TIMP3: variants seen among roughly 807,000 people sequenced by gnomAD.
TIMP3 encodes metalloproteinase inhibitor 3.
In TIMP3, 11 loss-of-function variants were observed where a neutral mutation model predicts 30.0. That is an observed-to-expected ratio of 0.37 (90% CI 0.23 to 0.61). The LOEUF is 0.61. TIMP3 is among the 20% of genes least tolerant of loss of function. TIMP3 has a pLI of 0.70. For missense variants in TIMP3, 181 were observed against 276.8 expected (o/e 0.65, Z 2.45); for synonymous variants, 112 against 111.3 (o/e 1.01, Z -0.04).
chr22:32,818,422 C>T (rs2146040374), intron 1 of TIMP3, among the ~76,000 whole-genome samples: 1 of 152,246 alleles, frequency 6.6e-6, no homozygotes, highest in African/African-American at 2.4e-5. Flanking sequence ...AAATGGGACC[C>T]CAGGCCTGGC....
At chr22:32,809,046 G>A (rs1237299766) in intron 1 of TIMP3, among the ~76,000 whole-genome samples, 3 of 152,192 alleles carry the variant, frequency 2.0e-5, no homozygotes, top group African/African-American at 7.2e-5. Flanking sequence ...AACCCTGCAG[G>A]AGATCACAAA....
chr22:32,861,081 C>CT lies in TIMP3; in HGVS notation c.*1710dup, dbSNP rs879540817. On this transcript the variant is annotated 3_prime_UTR_variant, in exon 5 of 5. Coordinates refer to ENST00000266085, the MANE Select transcript of TIMP3 (RefSeq NM_000362.5). ...CATTGAACATGATTGCTCTCTGTCT[C>CT]TTTTTTCAGCTTATGGGTATTTATC... 1.3e-4 allele frequency: 20 copies of CT among 151,638 alleles called. No individual in the cohort carries two copies. Among genetic ancestry groups the CT allele is most frequent in the Non-Finnish European group, 2.7e-4 (18 of 67,888 alleles). The allele number at this position is 151,638 out of a possible 1,614,324, so 9.4% of individuals were successfully genotyped here.
At position 32,859,767 on chromosome 22, in the gene TIMP3, A is replaced by C; in HGVS notation, c.*390A>C. ...TCTTCCCCACCTCACCATCTCCCAG[A>C]CCCTCTTCCCTTTGCCCTTCTCCTC... is the stretch of plus-strand genomic sequence containing the variant. On this transcript the variant is annotated 3_prime_UTR_variant, in exon 5 of 5. Coordinates refer to ENST00000266085, the MANE Select transcript of TIMP3 (RefSeq NM_000362.5). 1 of 249,934 alleles carries C rather than the reference A, an allele frequency of 4.0e-6. No individual in the cohort carries two copies. The highest frequency in any genetic ancestry group is 7.8e-6 in the Non-Finnish European group (1 of 128,208). The allele number at this position is 249,934 out of a possible 1,614,324, so 15.5% of individuals were successfully genotyped here. A position where few individuals can be genotyped will look rare whatever the true frequency, so the allele number is the denominator to read the frequency against.
intron 2 of TIMP3, 80 bp from the exon 3 acceptor site, chr22:32,857,169 C>T (rs56015565): frequency 0.012 from 12,449 of 1,066,866 alleles, 125 homozygotes; most frequent in Non-Finnish European, 0.014. Flanking sequence ...CCTTTGGATA[C>T]ATACCCAGCA....
intron 4 of TIMP3, 129 bp downstream of exon 4, chr22:32,858,267 G>A (rs2048432885): frequency 7.4e-7 from 1 of 1,346,776 alleles, no homozygotes; most frequent in Non-Finnish European, 1.0e-6. Flanking sequence ...CCAGGGCAGA[G>A]GGGCAGGTCT....
chr22:32,802,103 C>T lies in TIMP3; in HGVS notation c.102C>T (p.Ala34=), dbSNP rs1178016602. The change falls in exon 1 of 5, where the codon GCC becomes GCT. Residue 34 remains alanine (A), a synonymous_variant. Transcript: ENST00000266085. ...CTCSPSHPQD[A]FCNSDIVIRA... is the part of the protein sequence containing the mutation. ...GCTCGCCCAGCCACCCCCAGGACGC[C>T]TTCTGCAACTCCGACATCGGTAAGC... 1.3e-6 allele frequency: 2 copies of T among 1,582,598 alleles called. No individual in the cohort carries two copies. Among genetic ancestry groups the T allele is most frequent in the Admixed American group, 3.5e-5 (2 of 56,912 alleles).
At position 32,807,516 on chromosome 22, in the gene TIMP3, A is replaced by T. The variant is rs965962525; in HGVS notation, c.121+5394A>T. Reference sequence around the variant, plus strand: ...ATAGAGTGATTACTATGTGCCAGGCATTATTCTAAGTCATTAACTTACATT... The same window carrying T: ...ATAGAGTGATTACTATGTGCCAGGCTTTATTCTAAGTCATTAACTTACATT... On this transcript the variant is annotated intron_variant, in intron 1 of 4. Transcript: ENST00000266085. 3.4e-4 allele frequency among the ~76,000 whole-genome samples: 50 copies of T among 146,782 alleles called. 1 individual carries two copies. Among genetic ancestry groups the T allele is most frequent in the African/African-American group, 1.2e-3 (48 of 39,818 alleles).
intron 4 of TIMP3, 137 bp downstream of exon 4, chr22:32,858,275 T>A (rs966434025): frequency 3.2e-6 from 4 of 1,248,226 alleles, no homozygotes; most frequent in African/African-American, 3.0e-5. Context: ...GAGGGGCAGG[T>A]CTGAGCAGAT....
rs565787925 is a variant in TIMP3, at chr22:32,811,690, T to C, written c.121+9568T>C. 2.5e-4 allele frequency among the ~76,000 whole-genome samples: 38 copies of C among 152,270 alleles called. No homozygotes were observed. In the East Asian group the frequency reaches 7.0e-3, roughly 28 times the overall value. ...CGCAACGAGGAAAGCAGGATGGTGA[T>C]TGGGGGGTCGGTCATAGTTCCTAGT... is the stretch of plus-strand genomic sequence containing the variant. On this transcript the variant is annotated intron_variant, in intron 1 of 4. Coordinates refer to ENST00000266085, the MANE Select transcript of TIMP3 (RefSeq NM_000362.5).
chr22:32,851,636 A>AG (rs2048221232), intron 2 of TIMP3, among the ~76,000 whole-genome samples: 1 of 152,148 alleles, frequency 6.6e-6, no homozygotes, highest in Non-Finnish European at 1.5e-5. Context: ...AGAGGCGCAA[A>AG]GGGGAAATGA....
chr22:32,848,962 A>G (rs949193365), intron 1 of TIMP3, among the ~76,000 whole-genome samples: 2 of 152,178 alleles, frequency 1.3e-5, no homozygotes, highest in African/African-American at 4.8e-5. Context: ...GCTAGGGTGC[A>G]CCACAACCCT....
At position 32,813,657 on chromosome 22, in the gene TIMP3, C is replaced by T. The variant is rs1303474326; in HGVS notation, c.121+11535C>T. On this transcript the variant is annotated intron_variant, in intron 1 of 4. Transcript: ENST00000266085. ...AATTCTCGGATCTCTGAGTGAGTAA[C>T]ACCCAATTTTTTTTTTTTTGGCAAA... Among the ~76,000 whole-genome samples the T allele has an allele frequency of 3.8e-5, 5 of 132,618 alleles. No individual in the cohort carries two copies. In the East Asian group the frequency reaches 1.1e-3, roughly 28 times the overall value. 87.0% of individuals were successfully genotyped at this position (132,618 alleles called of 152,430 possible). A position where few individuals can be genotyped will look rare whatever the true frequency, so the allele number is the denominator to read the frequency against.
chr22:32,823,461 G>C (rs1218495876), intron 1 of TIMP3, among the ~76,000 whole-genome samples: 3 of 152,152 alleles, frequency 2.0e-5, no homozygotes, highest in Non-Finnish European at 4.4e-5. Context: ...CAGAAACCAG[G>C]ATGCAGTGGG....
intron 1 of TIMP3, among the ~76,000 whole-genome samples, chr22:32,836,425 T>C (rs1399372831): frequency 1.3e-5 from 2 of 152,336 alleles, no homozygotes; most frequent in East Asian, 3.9e-4. Context: ...ATACCAGAGG[T>C]TGGCTTTATA....
At chr22:32,824,424 C>A (rs192233754) in intron 1 of TIMP3, among the ~76,000 whole-genome samples, 1 of 151,836 alleles carries the variant, frequency 6.6e-6, no homozygotes, top group Non-Finnish European at 1.5e-5. Flanking sequence ...GTGAGACAAT[C>A]TCAGGATCTG....
Position 32,862,357 on chromosome 22 carries a change from T to G in TIMP3, c.*2980T>G, listed in dbSNP as rs1191486768. The G allele has an allele frequency of 6.6e-6, 1 of 152,242 alleles. No homozygotes were observed. Among genetic ancestry groups the G allele is most frequent in the African/African-American group, 2.4e-5 (1 of 41,458 alleles). The allele number at this position is 152,242 out of a possible 1,614,324, so 9.4% of individuals were successfully genotyped here. On this transcript the variant is annotated 3_prime_UTR_variant, in exon 5 of 5. Transcript: ENST00000266085. The stretch of plus-strand genomic sequence containing the variant: ...CTGCTCTGTCCAGGGTAGGTAATAC[T>G]GGGAGACTCCTGTCTTTTACCCTCC...
intron 1 of TIMP3, among the ~76,000 whole-genome samples, chr22:32,812,004 G>C (rs2046928957): frequency 6.6e-6 from 1 of 152,214 alleles, no homozygotes; most frequent in African/African-American, 2.4e-5. Context: ...GTGGCATGGA[G>C]GAGGAGCACT....
intron 1 of TIMP3, among the ~76,000 whole-genome samples, chr22:32,829,599 T>C (rs2047517264): frequency 6.6e-6 from 1 of 152,230 alleles, no homozygotes; most frequent in African/African-American, 2.4e-5. Flanking sequence ...TTAATTGGCC[T>C]GGGTCTGGCC....
At chr22:32,826,087 C>A (rs970037920) in intron 1 of TIMP3, among the ~76,000 whole-genome samples, 2 of 152,124 alleles carry the variant, frequency 1.3e-5, no homozygotes, top group Non-Finnish European at 2.9e-5. Flanking sequence ...TTGTTGACTT[C>A]TTTTTTTCCC....
Sources: allele counts gnomAD v4.1 joint callset (sites outside exome capture counted in the v4.1 genomes callset), GRCh38; gene constraint gnomAD v4.1.1; transcripts MANE v1.5; gene names NCBI Gene and HGNC (gene_info 2026-07-23, HGNC 2026-07-21).